TANC2: variants seen among roughly 807,000 people sequenced by gnomAD.
The protein encoded by TANC2 is protein TANC2.
TANC2 carries 26 observed loss-of-function variants against 210.5 expected under a neutral mutation model. The ratio of observed to expected loss-of-function variants is 0.12; its 90% CI spans 0.09 to 0.17. The LOEUF (loss-of-function observed/expected upper bound fraction) is 0.17. Ranked by LOEUF, TANC2 falls within the 10% of genes least tolerant of loss-of-function variation. The pLI, the probability that TANC2 is intolerant of heterozygous loss-of-function variation, is 1.00. For missense variants in TANC2, 2,129 were observed against 2,608.9 expected, an observed-to-expected ratio of 0.82 and a Z score of 4.01; for synonymous variants, 931 against 967.1, an observed-to-expected ratio of 0.96 and a Z score of 0.69.
intron 9 of TANC2, among the ~76,000 whole-genome samples, chr17:63,268,192 G>A (rs2043587563): frequency 6.6e-6 from 1 of 152,314 alleles, no homozygotes; most frequent in East Asian, 1.9e-4. Flanking sequence ...GATTTCAGAA[G>A]TGACTGCGGA....
chr17:63,064,613 C>G (rs1188832294), intron 2 of TANC2, among the ~76,000 whole-genome samples: 2 of 152,136 alleles, frequency 1.3e-5, no homozygotes, highest in Non-Finnish European at 2.9e-5. Context: ...CTTATAGAGC[C>G]TTTTTACAAT....
chr17:63,017,928 G>A (rs182783011), intron 2 of TANC2, among the ~76,000 whole-genome samples: 26 of 151,754 alleles, frequency 1.7e-4, no homozygotes, highest in Admixed American at 1.7e-3. Flanking sequence ...GATCTCTTGT[G>A]GCCAGAGATT....
At chr17:63,393,097 T>G (rs1283061638) in intron 17 of TANC2, among the ~76,000 whole-genome samples, 1 of 152,232 alleles carries the variant, frequency 6.6e-6, no homozygotes, top group Non-Finnish European at 1.5e-5. Flanking sequence ...CTTAGTCTCC[T>G]CCAACCTGTG....
chr17:63,157,639 A>T (rs2039883402), intron 5 of TANC2, among the ~76,000 whole-genome samples: 1 of 152,198 alleles, frequency 6.6e-6, no homozygotes, highest in African/African-American at 2.4e-5. Flanking sequence ...AATGGGGATG[A>T]TAATATTACC....
intron 1 of TANC2, among the ~76,000 whole-genome samples, chr17:62,988,651 A>G (rs1286503550): frequency 1.3e-5 from 2 of 152,226 alleles, no homozygotes; most frequent in African/African-American, 4.8e-5. Flanking sequence ...GTTACAGCCA[A>G]AAGTAGGCAA....
chr17:63,111,019 G>A (rs1396033170), intron 4 of TANC2, among the ~76,000 whole-genome samples: 1 of 152,074 alleles, frequency 6.6e-6, no homozygotes, highest in African/African-American at 2.4e-5. Context: ...TATGGATTAA[G>A]TAAGATATCA....
chr17:63,331,366 A>T (rs554652519), intron 11 of TANC2, among the ~76,000 whole-genome samples: 1 of 152,348 alleles, frequency 6.6e-6, no homozygotes, highest in African/African-American at 2.4e-5. Flanking sequence ...AAATGGTCTA[A>T]AGGCTTTTAG....
intron 1 of TANC2, among the ~76,000 whole-genome samples, chr17:62,990,147 TG>T (rs1287276040): frequency 2.0e-5 from 3 of 152,136 alleles, no homozygotes; most frequent in Non-Finnish European, 4.4e-5. Context: ...AACTTAGCGA[TG>T]ATACTAATTT....
chr17:63,119,649 T>C (rs984712204), intron 4 of TANC2, among the ~76,000 whole-genome samples: 1 of 152,230 alleles, frequency 6.6e-6, no homozygotes, highest in African/African-American at 2.4e-5. Context: ...TTTATGACTA[T>C]CCTCACACAT....
At chr17:63,052,026 A>G (rs2035600660) in intron 2 of TANC2, among the ~76,000 whole-genome samples, 1 of 152,196 alleles carries the variant, frequency 6.6e-6, no homozygotes, top group Admixed American at 6.5e-5. Context: ...TGTTGTATGA[A>G]TAACGTGCTG....
At chr17:63,124,631 T>A (rs947701880) in intron 4 of TANC2, among the ~76,000 whole-genome samples, 6 of 152,232 alleles carry the variant, frequency 3.9e-5, no homozygotes, top group Non-Finnish European at 7.3e-5. Flanking sequence ...TTTTGGTGTC[T>A]GTGATATATA....
intron 1 of TANC2, among the ~76,000 whole-genome samples, chr17:63,000,133 G>T (rs1204905658): frequency 6.6e-6 from 1 of 152,162 alleles, no homozygotes; most frequent in Non-Finnish European, 1.5e-5. Context: ...TAGATACTGT[G>T]TTTATTACCT....
At chr17:63,220,713 A>ATATATAT (rs1302451440) in intron 7 of TANC2, among the ~76,000 whole-genome samples, 1 of 140,562 alleles carries the variant, frequency 7.1e-6, no homozygotes, top group African/African-American at 2.7e-5. Flanking sequence ...CAAAAAAAAA[A>ATATATAT]AAAAAAATAT....
intron 4 of TANC2, among the ~76,000 whole-genome samples, chr17:63,135,674 T>G (rs765350456): frequency 3.9e-5 from 6 of 152,168 alleles, no homozygotes; most frequent in Non-Finnish European, 8.8e-5. Flanking sequence ...ATGAACCATG[T>G]TTATATAATA....
At chr17:62,970,736 CTGAT>C (rs2143224032) in intron 1 of TANC2, among the ~76,000 whole-genome samples, 1 of 152,298 alleles carries the variant, frequency 6.6e-6, no homozygotes, top group African/African-American at 2.4e-5. Context: ...CTGAGACACT[CTGAT>C]TGGGCACACT....
At chr17:63,358,098 G>C (rs1397054554) in intron 14 of TANC2, among the ~76,000 whole-genome samples, 1 of 152,184 alleles carries the variant, frequency 6.6e-6, no homozygotes, top group Non-Finnish European at 1.5e-5. Context: ...CCAGAAATAG[G>C]CTACCCAAGG....
At chr17:63,155,479 G>GT (rs2145433468) in intron 5 of TANC2, among the ~76,000 whole-genome samples, 1 of 152,048 alleles carries the variant, frequency 6.6e-6, no homozygotes, top group East Asian at 1.9e-4. Flanking sequence ...AAGTGTTTCT[G>GT]TTTCACATTA....
At chr17:63,104,994 T>C (rs749347660) in intron 4 of TANC2, among the ~76,000 whole-genome samples, 20 of 151,628 alleles carry the variant, frequency 1.3e-4, no homozygotes, top group Non-Finnish European at 2.5e-4. Context: ...GCGTCTGGCA[T>C]AGAGTAAGTA....
chr17:63,314,247 G>A (rs1354385012), intron 9 of TANC2, 141 bp from the exon 10 acceptor site: 15 of 842,068 alleles, frequency 1.8e-5, no homozygotes, highest in Non-Finnish European at 2.6e-5. Context: ...ATCAACATTC[G>A]CAGTTGCATT....
Sources: allele counts gnomAD v4.1 joint callset (sites outside exome capture counted in the v4.1 genomes callset), GRCh38; gene constraint gnomAD v4.1.1; transcripts MANE v1.5; gene names NCBI Gene and HGNC (gene_info 2026-07-23, HGNC 2026-07-21).